The following ERCC1 variants were observed in gnomAD, a reference collection of about 807,000 sequenced individuals.
ERCC1 encodes DNA excision repair protein ERCC-1.
A neutral mutation model predicts 37.6 loss-of-function variants in ERCC1; 36 were observed. The observed-to-expected ratio is 0.96, with a 90% CI of 0.73 to 1.26. ERCC1 has a LOEUF of 1.26. ERCC1 is among the 50% of genes most tolerant of loss of function. ERCC1 has a pLI of 0.00. For missense variants in ERCC1, 349 were observed against 376.5 expected (o/e 0.93, Z 0.60); for synonymous variants, 156 against 162.1 (o/e 0.96, Z 0.28).
chr19:45,421,562 C>T (rs530269304), intron 2 of ERCC1, among the ~76,000 whole-genome samples, 169 bp from the exon 3 acceptor site: 2 of 152,000 alleles, frequency 1.3e-5, no homozygotes, highest in South Asian at 2.1e-4. Flanking sequence ...CTCCACCTCC[C>T]GGGTTCAAGC....
upstream of ERCC1, among the ~76,000 whole-genome samples, chr19:45,428,044 CTCAGTT>C (rs1974738804): frequency 6.9e-6 from 1 of 144,420 alleles, no homozygotes; most frequent in African/African-American, 2.6e-5. Flanking sequence ...GATTTCTACC[CTCAGTT>C]TCTTTTCTTT....
rs1599835521 is a variant in ERCC1, at chr19:45,420,321, C to T, written c.425+3G>A. On this transcript the variant is annotated splice_donor_region_variant and intron_variant, in intron 4 of 9. Coordinates refer to ENST00000300853, the MANE Select transcript of ERCC1 (RefSeq NM_001983.4). The surrounding 1 kb of genome is among the most constrained non-coding windows in gnomAD (Gnocchi z 4.8). Reference sequence around the variant, plus strand: ...AAGTCTGGGGTGGCGCCGCAGAGCTCACCTGAGGAACAGGGCACAGGTGCT... The same window carrying T: ...AAGTCTGGGGTGGCGCCGCAGAGCTTACCTGAGGAACAGGGCACAGGTGCT... The T allele has an allele frequency of 1.2e-6, 2 of 1,606,432 alleles. No individual in the cohort carries two copies. The highest frequency in any genetic ancestry group is 8.5e-7 in the Non-Finnish European group (1 of 1,174,358).
chr19:45,413,443 A>T, intron 9 of ERCC1: 1 of 774,740 alleles, frequency 1.3e-6, no homozygotes, highest in Non-Finnish European at 2.2e-6. Flanking sequence ...ATGCCCAGCT[A>T]GTTTTTTTTA....
chr19:45,418,206 G>A (rs542457788), intron 5 of ERCC1, among the ~76,000 whole-genome samples: 3 of 152,106 alleles, frequency 2.0e-5, no homozygotes, highest in South Asian at 2.1e-4. Flanking sequence ...AAAATTAGCC[G>A]GTCATGGTGG....
chr19:45,438,299 C>T (rs1431003302), intron 1 of ERCC1, among the ~76,000 whole-genome samples: 1 of 152,162 alleles, frequency 6.6e-6, no homozygotes, highest in Non-Finnish European at 1.5e-5. Flanking sequence ...AACTCCTGGG[C>T]TCAAGCCATC....
chr19:45,412,523 G>A (rs986391898), intron 9 of ERCC1, among the ~76,000 whole-genome samples: 1 of 152,102 alleles, frequency 6.6e-6, no homozygotes, highest in African/African-American at 2.4e-5. Context: ...TCATATGCCT[G>A]CTTGCCATTT....
upstream of ERCC1, among the ~76,000 whole-genome samples, chr19:45,428,083 C>CTTTTTTTTTTTTTTTTTTT (rs5828235): frequency 1.2e-4 from 14 of 116,018 alleles, no homozygotes; most frequent in African/African-American, 5.0e-4. Context: ...TTCTTTCTTT[C>CTTTTTTTTTTTTTTTTTTT]TTTTTTTTTT....
chr19:45,414,726 G>A, intron 7 of ERCC1, 135 bp downstream of exon 7: 2 of 689,210 alleles, frequency 2.9e-6, no homozygotes, highest in East Asian at 2.7e-5. Flanking sequence ...CCCTCTAGCT[G>A]CAGTTTCGGT....
rs1974596494 is a variant in ERCC1, at chr19:45,423,882, GCACGGCCAGCGTGGCCCA to G, written c.-127_-110del. ...GAGGGATCGAGGCGGCCCACTGCCA[GCACGGCCAGCGTGGCCCA>G]GGGCTCGCAGCACTTCCGGCCTCTC... On this transcript the variant is annotated 5_prime_UTR_variant, in exon 1 of 10. Transcript: ENST00000300853. 1.1e-5 allele frequency: 12 copies of G among 1,103,386 alleles called. No homozygotes were observed. The Admixed American group carries it at 5.5e-4, about 50-fold the overall frequency. 68.3% of individuals were successfully genotyped at this position (1,103,386 alleles called of 1,614,324 possible). A position where few individuals can be genotyped will look rare whatever the true frequency, so the allele number is the denominator to read the frequency against.
At position 45,421,401 on chromosome 19, in the gene ERCC1, G is replaced by C; in HGVS notation, c.106-8C>G. 1 of 1,574,062 alleles carries C rather than the reference G, an allele frequency of 6.4e-7. No individual in the cohort carries two copies. The highest frequency in any genetic ancestry group is 1.5e-5 in the African/African-American group (1 of 68,438). ...TCGGAATAAGGGCTTGGCCTGTGGG[G>C]AGAAAGGGAGTTTGCAGGGGACTGG... is the stretch of plus-strand genomic sequence containing the variant. On this transcript the variant is annotated splice_polypyrimidine_tract_variant and splice_region_variant and intron_variant, in intron 2 of 9. Transcript: ENST00000300853.
intron 1 of ERCC1, 66 bp downstream of exon 1, chr19:45,423,715 T>C: frequency 8.4e-7 from 1 of 1,185,312 alleles, no homozygotes; most frequent in Non-Finnish European, 1.1e-6. Context: ...CTTGTCCATC[T>C]CTCAGACTCG....
intron 9 of ERCC1, chr19:45,410,544 T>G (rs1335984220): frequency 1.3e-5 from 2 of 150,062 alleles, no homozygotes; most frequent in Non-Finnish European, 3.0e-5. Context: ...TATCAAATAG[T>G]ATGTCTTATT....
Position 45,408,523 on chromosome 19 carries a change from A to G in ERCC1, c.*1152T>C, listed in dbSNP as rs1267826729. On this transcript the variant is annotated 3_prime_UTR_variant, in exon 10 of 10. Transcript: ENST00000300853. ...AGGAGATGCAGGTGACAGAGGCCCC[A>G]GTCACTCAGGAGGCAGTGAATGGGC... The G allele has an allele frequency of 6.2e-7, 1 of 1,613,980 alleles. No homozygotes were observed. The highest frequency in any genetic ancestry group is 8.5e-7 in the Non-Finnish European group (1 of 1,180,022).
rs2123438016 is a variant in ERCC1 at position 45,409,610 on chromosome 19, G to A, written c.*65C>T. 2 of 1,574,536 alleles carry A rather than the reference G, an allele frequency of 1.3e-6. No individual in the cohort carries two copies. The highest frequency in any genetic ancestry group is 1.7e-6 in the Non-Finnish European group (2 of 1,152,876). Reference sequence around the variant, plus strand: ...CCCAGAGACTGCACCAGCGCAGCCAGCAGGAGCCTGGCCTGGGAGGACGAT... The same window carrying A: ...CCCAGAGACTGCACCAGCGCAGCCAACAGGAGCCTGGCCTGGGAGGACGAT... On this transcript the variant is annotated 3_prime_UTR_variant, in exon 10 of 10. Transcript: ENST00000300853.
chr19:45,418,684 G>A (rs1313287451), intron 5 of ERCC1, among the ~76,000 whole-genome samples: 4 of 150,906 alleles, frequency 2.7e-5, no homozygotes, highest in Admixed American at 1.3e-4. Flanking sequence ...TCAGCCGGGC[G>A]TGGTGGTGCA....
intron 1 of ERCC1, among the ~76,000 whole-genome samples, chr19:45,433,843 A>T (rs1195437643): frequency 1.3e-5 from 2 of 151,890 alleles, no homozygotes; most frequent in Non-Finnish European, 2.9e-5. Context: ...GCATTTAAGG[A>T]GAGACCTGGC....
intron 7 of ERCC1, chr19:45,414,429 A>G (rs1973926090): frequency 2.8e-6 from 1 of 358,824 alleles, no homozygotes; most frequent in African/African-American, 2.1e-5. Context: ...GTGAGCCGAG[A>G]TCATGTCATT....
In ERCC1 at chr19:45,419,220, G is replaced by A. The variant is rs1218056316; in HGVS notation, c.426-23C>T. On this transcript the variant is annotated intron_variant, in intron 4 of 9. Coordinates refer to ENST00000300853, the MANE Select transcript of ERCC1 (RefSeq NM_001983.4). ...AGGCTGGTGGGGGCAGGGAGCGGGAGTTGAGAGGTCTCAGTCTCTTCAAGA... is the reference window on the plus strand; with the variant it reads ...AGGCTGGTGGGGGCAGGGAGCGGGAATTGAGAGGTCTCAGTCTCTTCAAGA... 5 of 1,517,608 alleles carry A rather than the reference G, an allele frequency of 3.3e-6. No individual in the cohort carries two copies. The Admixed American group carries it at 5.6e-5, about 17-fold the overall frequency. 94.0% of individuals were successfully genotyped at this position (1,517,608 alleles called of 1,614,324 possible). A position where few individuals can be genotyped will look rare whatever the true frequency, so the allele number is the denominator to read the frequency against.
At chr19:45,419,931 A>G (rs1974303097) in intron 4 of ERCC1, among the ~76,000 whole-genome samples, 1 of 110,346 alleles carries the variant, frequency 9.1e-6, no homozygotes, top group Admixed American at 9.3e-5. Flanking sequence ...CCTCCCTGAG[A>G]CCCCAGGAGT....
Sources: allele counts gnomAD v4.1 joint callset (sites outside exome capture counted in the v4.1 genomes callset), GRCh38; gene constraint gnomAD v4.1.1; non-coding constraint Gnocchi (gnomAD v3.1); transcripts MANE v1.5; gene names NCBI Gene and HGNC (gene_info 2026-07-23, HGNC 2026-07-21).